Variants in INTS13 observed in about 807,000 individuals in gnomAD.
The protein encoded by INTS13 is integrator complex subunit 13.
INTS13 carries 35 observed loss-of-function variants against 90.2 expected under a neutral mutation model. The observed-to-expected ratio is 0.39, with a 90% CI of 0.30 to 0.51. The LOEUF (loss-of-function observed/expected upper bound fraction) is 0.51. Among genes scored for constraint, INTS13 ranks in the 20% least tolerant of loss-of-function variants. The pLI is 0.80. For synonymous variants in INTS13, 309 were observed against 277.1 expected (o/e 1.11, Z -1.14); for missense variants, 601 against 851.2 (o/e 0.71, Z 3.66).
At chr12:26,929,797 AAGAG>A (rs956030770) in intron 3 of INTS13, among the ~76,000 whole-genome samples, 1 of 151,576 alleles carries the variant, frequency 6.6e-6, no homozygotes, top group Non-Finnish European at 1.5e-5. Flanking sequence ...GAAAGGAAGA[AAGAG>A]AAAGGAAGAA....
chr12:26,914,364 A>C, intron 12 of INTS13, 44 bp downstream of exon 12: 1 of 1,533,458 alleles, frequency 6.5e-7, no homozygotes, highest in Non-Finnish European at 8.8e-7. Flanking sequence ...TATAAAGAAT[A>C]TATAACTAAT....
At chr12:26,936,475 G>C (rs1209205315) in intron 2 of INTS13, 104 bp downstream of exon 2, 2 of 818,292 alleles carry the variant, frequency 2.4e-6, no homozygotes, top group African/African-American at 1.7e-5. Flanking sequence ...ACATTTTTAA[G>C]TAATAAACAC....
intron 8 of INTS13, 66 bp downstream of exon 8, chr12:26,922,550 G>T: frequency 8.2e-7 from 1 of 1,218,978 alleles, no homozygotes; most frequent in South Asian, 1.5e-5. Flanking sequence ...CTGAGGATGT[G>T]GGGGCTACTG....
At position 26,928,302 on chromosome 12, in the gene INTS13, A is replaced by G. The variant is rs1282709806; in HGVS notation, c.504-17T>C. 3.8e-6 allele frequency: 6 copies of G among 1,588,836 alleles called. No individual in the cohort carries two copies. In the Admixed American group the frequency reaches 6.7e-5, roughly 18 times the overall value. The stretch of plus-strand genomic sequence containing the variant: ...TGACTATCACTATGGCATAAAAAAG[A>G]TATAGCAAATTTAAAGGAATAAACA... On this transcript the variant is annotated splice_polypyrimidine_tract_variant and intron_variant, in intron 4 of 16. Transcript: ENST00000261191.
chr12:26,934,780 G>A, intron 2 of INTS13, 150 bp from the exon 3 acceptor site: 1 of 668,286 alleles, frequency 1.5e-6, no homozygotes, highest in Non-Finnish European at 2.6e-6. Flanking sequence ...TATGCCAGGT[G>A]CTATTGCTGG....
chr12:26,920,495 TTCAAGCGATTCCCCTGCCTCAGCA>T (rs1264784236), intron 8 of INTS13, among the ~76,000 whole-genome samples: 3 of 151,132 alleles, frequency 2.0e-5, no homozygotes, highest in Non-Finnish European at 3.0e-5. Flanking sequence ...GCCTCCCGGG[TTCAAGCGATTCCCCTGCCTCAGCA>T]TCCCGAGTAG....
intron 11 of INTS13, among the ~76,000 whole-genome samples, chr12:26,915,678 C>T (rs1480605347): frequency 1.3e-5 from 2 of 152,108 alleles, no homozygotes; most frequent in Non-Finnish European, 2.9e-5. Context: ...TCCAAATATT[C>T]CAGGTTTCTG....
chr12:26,906,450 T>C lies in INTS13; in HGVS notation c.1946-13A>G. 6.3e-7 allele frequency: 1 copy of C among 1,588,240 alleles called. No homozygotes were observed. ...AACGACACTGGCCCTAGTGTTATAT[T>C]TAAAAGGAGAGAGAAAAAAAAGATA... On this transcript the variant is annotated splice_polypyrimidine_tract_variant and intron_variant, in intron 15 of 16. Transcript: ENST00000261191.
At chr12:26,908,221 G>C (rs1364301204) in intron 15 of INTS13, among the ~76,000 whole-genome samples, 1 of 152,162 alleles carries the variant, frequency 6.6e-6, no homozygotes, top group East Asian at 1.9e-4. Flanking sequence ...TTGAGGAGGA[G>C]AGTGAAAGAT....
chr12:26,925,531 T>C (rs1937820718), intron 6 of INTS13, among the ~76,000 whole-genome samples: 1 of 152,088 alleles, frequency 6.6e-6, no homozygotes, highest in Non-Finnish European at 1.5e-5. Context: ...GTAACACATT[T>C]TGATAAAATA....
intron 7 of INTS13, 56 bp downstream of exon 7, chr12:26,924,299 A>T (rs1208924174): frequency 1.3e-6 from 2 of 1,585,450 alleles, no homozygotes; most frequent in Non-Finnish European, 1.7e-6. Context: ...GGCCTCAAAC[A>T]AATATTTAAA....
intron 8 of INTS13, among the ~76,000 whole-genome samples, chr12:26,922,104 T>A (rs1952136593): frequency 6.6e-6 from 1 of 152,236 alleles, no homozygotes; most frequent in African/African-American, 2.4e-5. Context: ...CCAGCATATA[T>A]ATGCTATAAA....
intron 3 of INTS13, among the ~76,000 whole-genome samples, chr12:26,931,452 T>TAAAAGAAAAAGA (rs113740083): frequency 4.0e-5 from 6 of 151,002 alleles, no homozygotes; most frequent in Admixed American, 1.3e-4. Context: ...TCAAAATAAA[T>TAAAAGAAAAAGA]AAAAGAAAAA....
rs16931491 is a variant in INTS13 at position 26,935,472 on chromosome 12, A to G, written c.226-842T>C. ...GTTTGATAATTGGTCTTCTCTTCCA[A>G]GGCTTATCTGACAGGGATATATTTT... On this transcript the variant is annotated intron_variant, in intron 2 of 16. Transcript: ENST00000261191. Among the ~76,000 whole-genome samples the G allele has an allele frequency of 0.031, 4,683 of 152,260 alleles. 507 individuals are homozygous for G. The East Asian group carries it at 0.38, about 12-fold the overall frequency.
At chr12:26,931,766 C>T (rs141964973) in intron 3 of INTS13, among the ~76,000 whole-genome samples, 3 of 152,014 alleles carry the variant, frequency 2.0e-5, no homozygotes, top group Non-Finnish European at 4.4e-5. Context: ...CCACTAAAAT[C>T]GAAGTAAAAG....
At chr12:26,917,820 T>A in intron 8 of INTS13, 87 bp from the exon 9 acceptor site, 2 of 886,130 alleles carry the variant, frequency 2.3e-6, no homozygotes, top group Non-Finnish European at 3.5e-6. Flanking sequence ...AATTATGTTT[T>A]AATTTAAAAA....
chr12:26,928,583 A>G, intron 4 of INTS13, 120 bp downstream of exon 4: 1 of 981,680 alleles, frequency 1.0e-6, no homozygotes. Flanking sequence ...AAAATCAGAA[A>G]GGCCACTTGT....
chr12:26,914,381 G>T, intron 12 of INTS13, 27 bp downstream of exon 12: 1 of 1,578,190 alleles, frequency 6.3e-7, no homozygotes, highest in African/African-American at 1.4e-5. Flanking sequence ...TAATCTATAA[G>T]AAAAGTTGAA....
chr12:26,907,008 C>A (rs955235166), intron 15 of INTS13, among the ~76,000 whole-genome samples: 4 of 152,180 alleles, frequency 2.6e-5, no homozygotes, highest in African/African-American at 9.7e-5. Context: ...GTGTTCAGTT[C>A]ATTATCTAGG....
Sources: allele counts gnomAD v4.1 joint callset (sites outside exome capture counted in the v4.1 genomes callset), GRCh38; gene constraint gnomAD v4.1.1; transcripts MANE v1.5; gene names NCBI Gene and HGNC (gene_info 2026-07-23, HGNC 2026-07-21).